RYR2: variants seen among roughly 807,000 people sequenced by gnomAD.
RYR2 encodes cardiac muscle ryanodine receptor-calcium release channel.
Under a neutral mutation model 601.1 loss-of-function variants are expected in RYR2, and 227 were observed. That is an observed-to-expected ratio of 0.38 (90% CI 0.34 to 0.42). The LOEUF is 0.42. RYR2 is among the 10% of genes least tolerant of loss of function. RYR2 has a pLI of 1.00. For missense variants in RYR2, 4,646 were observed against 6,156.5 expected (o/e 0.75, Z 8.21); for synonymous variants, 2,223 against 2,175.1 (o/e 1.02, Z -0.61).
At chr1:237,427,308 G>A (rs1208376988) in intron 12 of RYR2, among the ~76,000 whole-genome samples, 1 of 152,090 alleles carries the variant, frequency 6.6e-6, no homozygotes, top group African/African-American at 2.4e-5. Context: ...ATATGACACA[G>A]TGAAAACCTA....
At chr1:237,248,758 CAT>C (rs1491548696) in intron 1 of RYR2, among the ~76,000 whole-genome samples, 3 of 115,260 alleles carry the variant, frequency 2.6e-5, no homozygotes, top group Non-Finnish European at 5.0e-5. Flanking sequence ...AATGAATGTA[CAT>C]TTTTTTTTTT....
chr1:237,798,909 G>T (rs1659610330), intron 97 of RYR2, among the ~76,000 whole-genome samples: 3 of 152,018 alleles, frequency 2.0e-5, no homozygotes, highest in Non-Finnish European at 2.9e-5. Context: ...ATTGCTTATT[G>T]TAGTCACTTA....
chr1:237,242,198 T>TTTTTTTTG lies in RYR2; in HGVS notation c.49-28296_49-28295insTTTTGTTT, dbSNP rs928421124. ...TAAACAGTATTTTGATCACTGTTTT[T>TTTTTTTTG]TTTGTTTGTTTGTTTGTTTGTTTGT... On this transcript the variant is annotated intron_variant, in intron 1 of 104. Coordinates refer to ENST00000366574, the MANE Select transcript of RYR2 (RefSeq NM_001035.3). Among the ~76,000 whole-genome samples the TTTTTTTTG allele has an allele frequency of 5.5e-3, 826 of 150,582 alleles. 13 individuals carry two copies. The highest frequency in any genetic ancestry group is 0.019 in the African/African-American group (774 of 40,850).
rs1395088057 is a variant in RYR2, at chr1:237,699,038, A to AT, written c.9128+18dup. 1.5e-6 allele frequency: 2 copies of AT among 1,314,150 alleles called. No homozygotes were observed. Among genetic ancestry groups the AT allele is most frequent in the Non-Finnish European group, 2.1e-6 (2 of 935,582 alleles). 81.4% of individuals were successfully genotyped at this position (1,314,150 alleles called of 1,614,324 possible). ...CTTTGGATGCAAGGTAAATGGATACATTTTTACCTAAATAAATTACTATAA... is the reference window on the plus strand; with the variant it reads ...CTTTGGATGCAAGGTAAATGGATACATTTTTTACCTAAATAAATTACTATAA... On this transcript the variant is annotated intron_variant, in intron 64 of 104. Transcript: ENST00000366574.
In RYR2 at chr1:237,589,720, T is replaced by C. The variant is rs1674936093; in HGVS notation, c.3599-73T>C. ...CTCACAAAGTTCGGTCCTGGAACAA[T>C]ATGTTTGATAATTCTATACTAACAG... On this transcript the variant is annotated intron_variant, in intron 29 of 104. Coordinates refer to ENST00000366574, the MANE Select transcript of RYR2 (RefSeq NM_001035.3). The C allele has an allele frequency of 2.8e-6, 4 of 1,446,330 alleles. No homozygotes were observed. The South Asian group carries it at 3.7e-5, about 13-fold the overall frequency. The allele number at this position is 1,446,330 out of a possible 1,614,324, so 89.6% of individuals were successfully genotyped here.
intron 8 of RYR2, among the ~76,000 whole-genome samples, chr1:237,380,561 A>T (rs961027165): frequency 6.6e-6 from 1 of 150,736 alleles, no homozygotes; most frequent in Non-Finnish European, 1.5e-5. Context: ...CTGGAATCCA[A>T]CAAGGCTCGT....
chr1:237,596,040 C>G (rs1346966149), intron 34 of RYR2, among the ~76,000 whole-genome samples: 2 of 152,074 alleles, frequency 1.3e-5, no homozygotes, highest in Non-Finnish European at 1.5e-5. Context: ...TAGAACCCAT[C>G]TACAGGAAAA....
At chr1:237,183,729 C>T (rs186932322) in intron 1 of RYR2, among the ~76,000 whole-genome samples, 8 of 152,258 alleles carry the variant, frequency 5.3e-5, no homozygotes, top group African/African-American at 1.9e-4. Context: ...AAGTGACCTT[C>T]CCACACATGA....
At chr1:237,336,150 T>C (rs1173128599) in intron 3 of RYR2, among the ~76,000 whole-genome samples, 3 of 152,192 alleles carry the variant, frequency 2.0e-5, no homozygotes, top group Non-Finnish European at 2.9e-5. Flanking sequence ...GAAGGAATTG[T>C]GTACGTGGAA....
chr1:237,155,579 T>C lies in RYR2; in HGVS notation c.48+113010T>C, dbSNP rs1037275127. Among the ~76,000 whole-genome samples, 15 of 152,372 alleles carry C rather than the reference T, an allele frequency of 9.8e-5. No homozygotes were observed. The East Asian group carries it at 2.9e-3, about 29-fold the overall frequency. Reference sequence around the variant, plus strand: ...AAAGGGAGATACTTCCAGTTTTGTATTGGAAGACAAGTTATTAAACTTTCA... The same window carrying C: ...AAAGGGAGATACTTCCAGTTTTGTACTGGAAGACAAGTTATTAAACTTTCA... On this transcript the variant is annotated intron_variant, in intron 1 of 104. Coordinates refer to ENST00000366574, the MANE Select transcript of RYR2 (RefSeq NM_001035.3).
At chr1:237,097,921 A>G (rs1558228137) in intron 1 of RYR2, among the ~76,000 whole-genome samples, 1 of 152,194 alleles carries the variant, frequency 6.6e-6, no homozygotes, top group Non-Finnish European at 1.5e-5. Flanking sequence ...AGTTTGGTTG[A>G]TCAGATTTGT....
chr1:237,099,561 C>A (rs1379100663), intron 1 of RYR2, among the ~76,000 whole-genome samples: 2 of 152,128 alleles, frequency 1.3e-5, no homozygotes, highest in African/African-American at 4.8e-5. Context: ...TTTGACAGCT[C>A]TTTGCCATTG....
intron 13 of RYR2, among the ~76,000 whole-genome samples, chr1:237,442,133 A>G (rs952740059): frequency 1.3e-5 from 2 of 152,222 alleles, no homozygotes; most frequent in Non-Finnish European, 2.9e-5. Flanking sequence ...CTTCAACTGC[A>G]TTAGCTTTGC....
At chr1:237,698,703 C>T (rs1003037991) in intron 63 of RYR2, among the ~76,000 whole-genome samples, 1 of 151,816 alleles carries the variant, frequency 6.6e-6, no homozygotes, top group African/African-American at 2.4e-5. Flanking sequence ...GGTTAAAACT[C>T]TTTTAGTCTG....
At chr1:237,378,793 A>G (rs1701228446) in intron 8 of RYR2, among the ~76,000 whole-genome samples, 1 of 152,194 alleles carries the variant, frequency 6.6e-6, no homozygotes, top group Non-Finnish European at 1.5e-5. Flanking sequence ...CATTTCTAGG[A>G]AGATTGGTTT....
At chr1:237,703,728 A>G (rs1310418001) in intron 66 of RYR2, among the ~76,000 whole-genome samples, 1 of 151,356 alleles carries the variant, frequency 6.6e-6, no homozygotes, top group Non-Finnish European at 1.5e-5. Context: ...TATTTCATGT[A>G]TGTTTCTTCC....
At chr1:237,660,984 GT>G (rs1487662850) in intron 56 of RYR2, 37 bp downstream of exon 56, 2 of 1,291,348 alleles carry the variant, frequency 1.5e-6, no homozygotes, top group African/African-American at 3.1e-5. Context: ...AACTGTTTAT[GT>G]TATGGATTAA....
intron 63 of RYR2, among the ~76,000 whole-genome samples, chr1:237,692,103 G>A (rs1686993766): frequency 6.6e-6 from 1 of 152,182 alleles, no homozygotes; most frequent in South Asian, 2.1e-4. Flanking sequence ...TAATAATGAT[G>A]GTGGCACAGG....
intron 1 of RYR2, among the ~76,000 whole-genome samples, chr1:237,096,865 G>A (rs1667557827): frequency 1.3e-5 from 2 of 152,152 alleles, no homozygotes. Context: ...GTCCAGGAGA[G>A]CTTGCCTCCT....
Sources: gnomAD v4.1 joint callset for allele counts (sites outside exome capture counted in the v4.1 genomes callset) on GRCh38, gnomAD v4.1.1 for gene constraint, MANE v1.5 for transcripts, NCBI Gene and HGNC (gene_info 2026-07-23, HGNC 2026-07-21) for gene names.